The following WWOX variants were observed in gnomAD, a reference collection of about 807,000 sequenced individuals.
WWOX encodes the protein WW domain-containing oxidoreductase.
Under a neutral mutation model 46.2 loss-of-function variants are expected in WWOX, and 69 were observed. The ratio of observed to expected loss-of-function variants is 1.49; its 90% CI spans 1.23 to 1.82. The LOEUF (loss-of-function observed/expected upper bound fraction) is 1.82, where lower values mean the gene tolerates loss of function less well. Ranked by LOEUF, WWOX falls within the 40% of genes most tolerant of loss-of-function variation. The pLI, the probability that WWOX is intolerant of heterozygous loss-of-function variation, is 0.00. For missense variants in WWOX, 919 were observed against 542.6 expected, an observed-to-expected ratio of 1.69 and a Z score of -6.89; for synonymous variants, 359 against 202.6, an observed-to-expected ratio of 1.77 and a Z score of -6.56.
chr16:79,160,385 C>G (rs1017647753), intron 8 of WWOX, among the ~76,000 whole-genome samples: 1 of 152,148 alleles, frequency 6.6e-6, no homozygotes, highest in African/African-American at 2.4e-5. Flanking sequence ...CCTACTGTCA[C>G]CTGCATTCCC....
chr16:79,057,074 C>G (rs1290061014), intron 8 of WWOX, among the ~76,000 whole-genome samples: 4 of 152,184 alleles, frequency 2.6e-5, no homozygotes, highest in Non-Finnish European at 5.9e-5. Context: ...CGCCATGGGC[C>G]TGAATTGAAG....
intron 8 of WWOX, among the ~76,000 whole-genome samples, chr16:79,131,703 G>C (rs181164743): frequency 1.2e-4 from 18 of 145,678 alleles, no homozygotes; most frequent in African/African-American, 4.5e-4. Flanking sequence ...TTCAAAAACA[G>C]GACATGGGTG....
Position 78,337,302 on chromosome 16 carries a change from A to G in WWOX, c.517-49558A>G, listed in dbSNP as rs148549006. Among the ~76,000 whole-genome samples the G allele has an allele frequency of 4.8e-3, 734 of 152,256 alleles. 2 individuals are homozygous for G. The highest frequency in any genetic ancestry group is 8.7e-3 in the Non-Finnish European group (595 of 68,018). Reference sequence around the variant, plus strand: ...TATTCCTTTATAAGTACAGTTGTAGATTTACAAAGTAATTGAGTATATAGT... The same window carrying G: ...TATTCCTTTATAAGTACAGTTGTAGGTTTACAAAGTAATTGAGTATATAGT... On this transcript the variant is annotated intron_variant, in intron 5 of 8. Transcript: ENST00000566780.
At chr16:78,197,082 C>G (rs959658378) in intron 5 of WWOX, among the ~76,000 whole-genome samples, 2 of 152,192 alleles carry the variant, frequency 1.3e-5, no homozygotes, top group Non-Finnish European at 2.9e-5. Context: ...CTGCACCAGA[C>G]TCGTATCAGC....
intron 8 of WWOX, chr16:79,205,431 C>T (rs16949925): frequency 3.3e-5 from 5 of 152,160 alleles, no homozygotes; most frequent in Non-Finnish European, 5.9e-5. Flanking sequence ...GGCAAAAGAT[C>T]AACATCTAAA....
intron 6 of WWOX, among the ~76,000 whole-genome samples, chr16:78,398,241 C>T (rs7199086): frequency 1.6e-4 from 25 of 152,228 alleles, no homozygotes; most frequent in African/African-American, 3.6e-4. Flanking sequence ...TGCTGTGGCC[C>T]ACCCAGGCCT....
chr16:78,490,963 C>T (rs923523481), intron 8 of WWOX, among the ~76,000 whole-genome samples: 5 of 152,184 alleles, frequency 3.3e-5, no homozygotes, highest in Non-Finnish European at 5.9e-5. Flanking sequence ...CTTGGCTCAC[C>T]AGCCCCTGAG....
intron 8 of WWOX, among the ~76,000 whole-genome samples, chr16:78,452,312 C>A (rs1226687976): frequency 6.6e-6 from 1 of 152,114 alleles, no homozygotes; most frequent in Non-Finnish European, 1.5e-5. Flanking sequence ...TTTTTTTTTA[C>A]TGTCATATGA....
intron 8 of WWOX, among the ~76,000 whole-genome samples, chr16:78,538,827 A>C (rs1444546344): frequency 1.3e-5 from 2 of 152,176 alleles, no homozygotes; most frequent in African/African-American, 2.4e-5. Flanking sequence ...ATGTCACCTG[A>C]TATTGGAGGA....
chr16:78,395,049 G>A (rs891010159), intron 6 of WWOX, among the ~76,000 whole-genome samples: 1 of 152,232 alleles, frequency 6.6e-6, no homozygotes, highest in Admixed American at 6.5e-5. Flanking sequence ...CTCACTTTAT[G>A]GAGCCTGGGG....
chr16:78,774,272 G>A (rs1165694711), intron 8 of WWOX, among the ~76,000 whole-genome samples: 1 of 152,136 alleles, frequency 6.6e-6, no homozygotes, highest in Non-Finnish European at 1.5e-5. Context: ...GTGGTAGCAG[G>A]CGCCTGTAAT....
intron 8 of WWOX, among the ~76,000 whole-genome samples, chr16:78,775,338 C>T (rs572521621): frequency 6.6e-6 from 1 of 152,126 alleles, no homozygotes. Context: ...TGTGTCATCC[C>T]CTCCCCACCC....
chr16:78,599,672 G>C (rs917847909), intron 8 of WWOX, among the ~76,000 whole-genome samples: 1 of 152,210 alleles, frequency 6.6e-6, no homozygotes, highest in Non-Finnish European at 1.5e-5. Flanking sequence ...CCCCTGAAGA[G>C]ACAGGTTGGA....
chr16:78,216,717 G>C (rs913205422), intron 5 of WWOX, among the ~76,000 whole-genome samples: 56 of 151,276 alleles, frequency 3.7e-4, no homozygotes, highest in Non-Finnish European at 6.9e-4. Flanking sequence ...AGATAACCAG[G>C]GTCCTCTCCC....
intron 4 of WWOX, among the ~76,000 whole-genome samples, chr16:78,136,205 T>C (rs892048373): frequency 6.6e-6 from 1 of 152,200 alleles, no homozygotes; most frequent in Non-Finnish European, 1.5e-5. Flanking sequence ...GGCTAAAAGG[T>C]TCAATAATGA....
chr16:79,085,312 T>C (rs971271358), intron 8 of WWOX, among the ~76,000 whole-genome samples: 1 of 152,192 alleles, frequency 6.6e-6, no homozygotes, highest in African/African-American at 2.4e-5. Flanking sequence ...ACTGTCTAGG[T>C]TATTACAGTA....
At chr16:78,326,586 C>CCA (rs1555520197) in intron 5 of WWOX, among the ~76,000 whole-genome samples, 5 of 105,426 alleles carry the variant, frequency 4.7e-5, no homozygotes, top group Admixed American at 4.7e-4. Flanking sequence ...CGCCCCCCCC[C>CCA]CCCGCAATGC....
chr16:78,906,903 C>T (rs61305399), intron 8 of WWOX, among the ~76,000 whole-genome samples: 2 of 151,874 alleles, frequency 1.3e-5, no homozygotes, highest in Admixed American at 1.3e-4. Context: ...GTGTGTGTGT[C>T]TGTGAATAAA....
intron 8 of WWOX, among the ~76,000 whole-genome samples, chr16:78,974,994 C>G (rs1337181923): frequency 3.3e-5 from 5 of 152,140 alleles, no homozygotes; most frequent in African/African-American, 9.7e-5. Context: ...AAGGGACTCC[C>G]CAGCCCCTCT....
Sources: gnomAD v4.1 joint callset for allele counts (sites outside exome capture counted in the v4.1 genomes callset) on GRCh38, gnomAD v4.1.1 for gene constraint, MANE v1.5 for transcripts, NCBI Gene and HGNC (gene_info 2026-07-23, HGNC 2026-07-21) for gene names.